Variants in MAGI2 observed in about 807,000 individuals in gnomAD.
The protein encoded by MAGI2 is membrane-associated guanylate kinase, WW and PDZ domain-containing protein 2.
Under a neutral mutation model 133.3 loss-of-function variants are expected in MAGI2, and 35 were observed. That is an observed-to-expected ratio of 0.26 (90% confidence interval 0.20 to 0.35). The LOEUF is 0.35. Among genes scored for constraint, MAGI2 ranks in the 10% least tolerant of loss-of-function variants. The pLI is 1.00. For synonymous variants in MAGI2, 729 were observed against 710.6 expected, an observed-to-expected ratio of 1.03 and a Z score of -0.41; for missense variants, 1,636 against 1,863.4, an observed-to-expected ratio of 0.88 and a Z score of 2.25.
At chr7:78,311,301 A>C (rs1047549678) in intron 9 of MAGI2, among the ~76,000 whole-genome samples, 5 of 152,232 alleles carry the variant, frequency 3.3e-5, no homozygotes, top group African/African-American at 9.6e-5. Flanking sequence ...AAAGAGGAAC[A>C]GTTGAGCAAT....
chr7:78,266,518 G>C (rs764796417), intron 9 of MAGI2, among the ~76,000 whole-genome samples: 1 of 151,890 alleles, frequency 6.6e-6, no homozygotes, highest in African/African-American at 2.4e-5. Context: ...AGTGTTTTTA[G>C]CCAGAGGAAA....
intron 3 of MAGI2, among the ~76,000 whole-genome samples, chr7:78,602,349 G>C (rs1390317835): frequency 1.3e-5 from 2 of 151,368 alleles, no homozygotes; most frequent in Non-Finnish European, 2.9e-5. Flanking sequence ...TAGTAGAAAC[G>C]GGGTTTCACC....
In MAGI2 at chr7:78,033,132, G is replaced by A. The variant is rs375098627; in HGVS notation, c.3707-13156C>T. Among the ~76,000 whole-genome samples, 326 of 152,232 alleles carry A rather than the reference G, an allele frequency of 2.1e-3. 7 individuals are homozygous for A. In the South Asian group the frequency reaches 0.043, roughly 20 times the overall value. ...GATGGTAGCTTGGATGTGGGTGATC[G>A]TGATGGAGGTAGTGAGAAGGGGTTG... is the stretch of plus-strand genomic sequence containing the variant. On this transcript the variant is annotated intron_variant, in intron 21 of 21. Transcript: ENST00000354212.
intron 1 of MAGI2, among the ~76,000 whole-genome samples, chr7:79,217,385 G>C (rs1830103802): frequency 6.6e-6 from 1 of 151,926 alleles, no homozygotes; most frequent in Non-Finnish European, 1.5e-5. Flanking sequence ...CTTCTAGAAA[G>C]CTATAATAAG....
intron 2 of MAGI2, among the ~76,000 whole-genome samples, chr7:78,842,215 G>A (rs1792204708): frequency 1.3e-5 from 2 of 151,918 alleles, no homozygotes; most frequent in South Asian, 4.1e-4. Flanking sequence ...GAAAGAGAAA[G>A]TATTGCACTG....
intron 3 of MAGI2, among the ~76,000 whole-genome samples, chr7:78,583,972 T>C (rs1447037563): frequency 6.6e-6 from 1 of 152,210 alleles, no homozygotes; most frequent in African/African-American, 2.4e-5. Context: ...CTAGAATAAA[T>C]TACACAAGTG....
chr7:79,316,377 G>A (rs1423685279), intron 1 of MAGI2, among the ~76,000 whole-genome samples: 1 of 151,970 alleles, frequency 6.6e-6, no homozygotes, highest in African/African-American at 2.4e-5. Context: ...GTGCATCCTA[G>A]TTTATAAAAT....
chr7:78,258,205 G>A (rs1331439450), intron 9 of MAGI2, among the ~76,000 whole-genome samples: 1 of 152,132 alleles, frequency 6.6e-6, no homozygotes, highest in Admixed American at 6.5e-5. Context: ...TGGGTCCACG[G>A]CTCAGAACTG....
chr7:78,725,018 C>T (rs929069252), intron 2 of MAGI2, among the ~76,000 whole-genome samples: 2 of 152,112 alleles, frequency 1.3e-5, no homozygotes, highest in African/African-American at 4.8e-5. Context: ...GCTAGCAGGA[C>T]ACATTTACTG....
chr7:79,146,077 T>G (rs147882095), intron 1 of MAGI2, among the ~76,000 whole-genome samples: 208 of 152,114 alleles, frequency 1.4e-3, no homozygotes, highest in African/African-American at 4.5e-3. Context: ...TTAAAGAAAC[T>G]CAAAGCTGCA....
Position 78,019,048 on chromosome 7 carries a change from G to C in MAGI2, c.*267C>G, listed in dbSNP as rs1022796766. ...TAAAGCTACACTGCACTGTCTCTCT[G>C]TGATGTTCTTCACGTTATTTTGGTT... On this transcript the variant is annotated 3_prime_UTR_variant, in exon 22 of 22. Coordinates refer to ENST00000354212, the MANE Select transcript of MAGI2 (RefSeq NM_012301.4). 4 of 446,526 alleles carry C rather than the reference G, an allele frequency of 9.0e-6. No individual in the cohort carries two copies. The highest frequency in any genetic ancestry group is 1.6e-5 in the Non-Finnish European group (4 of 253,300). The allele number at this position is 446,526 out of a possible 1,614,324, so 27.7% of individuals were successfully genotyped here. A position where few individuals can be genotyped will look rare whatever the true frequency, so the allele number is the denominator to read the frequency against.
At chr7:78,059,284 A>T (rs1290694557) in intron 21 of MAGI2, among the ~76,000 whole-genome samples, 1 of 152,208 alleles carries the variant, frequency 6.6e-6, no homozygotes, top group Non-Finnish European at 1.5e-5. Flanking sequence ...ACAGGTGATG[A>T]TAATGGGTAC....
intron 9 of MAGI2, among the ~76,000 whole-genome samples, chr7:78,324,148 CACTACACACTACACT>C (rs1228906863): frequency 3.3e-4 from 44 of 131,972 alleles, no homozygotes; most frequent in African/African-American, 1.1e-3. Context: ...CACTACACTA[CACTACACACTACACT>C]ACACTACACA....
intron 3 of MAGI2, among the ~76,000 whole-genome samples, chr7:78,557,895 A>G (rs1013344143): frequency 6.6e-6 from 1 of 152,206 alleles, no homozygotes; most frequent in African/African-American, 2.4e-5. Context: ...CTTAGAGCAC[A>G]AATGTCATCT....
chr7:78,699,677 T>C (rs966533140), intron 2 of MAGI2, among the ~76,000 whole-genome samples: 2 of 152,186 alleles, frequency 1.3e-5, no homozygotes, highest in Non-Finnish European at 2.9e-5. Context: ...CCTACTTTAC[T>C]TGGCAATTGT....
intron 1 of MAGI2, among the ~76,000 whole-genome samples, chr7:79,377,939 T>C (rs1449014711): frequency 1.3e-5 from 2 of 151,796 alleles, no homozygotes; most frequent in African/African-American, 2.4e-5. Context: ...TGCACAAAGT[T>C]CTAATGTGTG....
chr7:79,173,786 AT>A lies in MAGI2; in HGVS notation c.302-166581del, dbSNP rs1181306960. 2.6e-5 allele frequency among the ~76,000 whole-genome samples: 4 copies of A among 152,266 alleles called. No homozygotes were observed. The East Asian group carries it at 7.7e-4, about 29-fold the overall frequency. The stretch of plus-strand genomic sequence containing the variant: ...TCTACCATATTATAAAGCTGAAGTC[AT>A]TAAAACATTATAATAGTACTTAGAA... On this transcript the variant is annotated intron_variant, in intron 1 of 21. Coordinates refer to ENST00000354212, the MANE Select transcript of MAGI2 (RefSeq NM_012301.4).
intron 3 of MAGI2, among the ~76,000 whole-genome samples, chr7:78,539,725 A>G (rs1459734354): frequency 2.0e-5 from 3 of 152,180 alleles, no homozygotes; most frequent in African/African-American, 7.2e-5. Flanking sequence ...AATGTCTGCA[A>G]AGAGTCCTGT....
At chr7:78,534,612 C>T (rs554662437) in intron 3 of MAGI2, among the ~76,000 whole-genome samples, 11 of 152,346 alleles carry the variant, frequency 7.2e-5, no homozygotes, top group African/African-American at 2.2e-4. Context: ...AGACCTCTAA[C>T]ATTCACAAAT....
Sources: gnomAD v4.1 joint callset for allele counts (sites outside exome capture counted in the v4.1 genomes callset) on GRCh38, gnomAD v4.1.1 for gene constraint, MANE v1.5 for transcripts, NCBI Gene and HGNC (gene_info 2026-07-23, HGNC 2026-07-21) for gene names.